The following TTC27 variants were observed in gnomAD, a reference collection of about 807,000 sequenced individuals.
The protein encoded by TTC27 is tetratricopeptide repeat domain 27.
In TTC27, 79 loss-of-function variants were observed where a neutral mutation model predicts 115.9. The ratio of observed to expected loss-of-function variants is 0.68; its 90% CI spans 0.57 to 0.82. TTC27 has a LOEUF of 0.82. TTC27 is among the 40% of genes least tolerant of loss of function. TTC27 has a pLI of 0.00. For synonymous variants in TTC27, 401 were observed against 356.0 expected, an observed-to-expected ratio of 1.13 and a Z score of -1.42; for missense variants, 1,054 against 993.1, an observed-to-expected ratio of 1.06 and a Z score of -0.82.
In TTC27 at chr2:32,753,038, T is replaced by G. The variant is rs1359007071; in HGVS notation, c.1453-5254T>G. ...ATTTAGGAAGGGTTTGACTGAGCAG[T>G]GGTCTGGCATTACTCACGTAGTTGC... On this transcript the variant is annotated intron_variant, in intron 12 of 19. Coordinates refer to ENST00000317907, the MANE Select transcript of TTC27 (RefSeq NM_017735.5). Among the ~76,000 whole-genome samples the G allele has an allele frequency of 2.6e-5, 4 of 152,276 alleles. No individual in the cohort carries two copies. In the South Asian group the frequency reaches 8.3e-4, roughly 32 times the overall value.
intron 13 of TTC27, among the ~76,000 whole-genome samples, chr2:32,763,930 G>A (rs1260075417): frequency 6.6e-6 from 1 of 152,074 alleles, no homozygotes; most frequent in East Asian, 1.9e-4. Context: ...CCAGGCAGAG[G>A]CTAGAATTAA....
rs1381327658 is a variant in TTC27, at chr2:32,664,322, G to T, written c.660G>T (p.Leu220=). The T allele has an allele frequency of 6.2e-7, 1 of 1,603,642 alleles. No individual in the cohort carries two copies. The highest frequency in any genetic ancestry group is 2.2e-5 in the East Asian group (1 of 44,576). Residue 220 remains leucine (L), a synonymous_variant, in exon 6 of 20, where the codon CTG becomes CTT. Transcript: ENST00000317907. The part of the protein sequence containing the change: ...CIDQVMKLQN[L]FVDDSGRYLA... ...TTGCAGTGATGAAACTACAGAATCT[G>T]TTTGTAGATGATTCAGGTCGATATT...
intron 8 of TTC27, among the ~76,000 whole-genome samples, chr2:32,674,518 A>G (rs972088139): frequency 3.3e-5 from 5 of 152,124 alleles, no homozygotes; most frequent in Non-Finnish European, 7.4e-5. Flanking sequence ...TTTACTTCAT[A>G]TATGCAATAG....
rs541469463 is a variant in TTC27, at chr2:32,820,233, G to C, written c.2410-583G>C. The stretch of plus-strand genomic sequence containing the variant: ...TTGGGGGCCTATGTTGGCTCAGCAG[G>C]CAGTTCCTGGAGAGGCATTTCCAAA... On this transcript the variant is annotated intron_variant, in intron 19 of 19. Transcript: ENST00000317907. Among the ~76,000 whole-genome samples the C allele has an allele frequency of 1.8e-3, 275 of 152,308 alleles. 1 individual carries two copies. The highest frequency in any genetic ancestry group is 6.4e-3 in the African/African-American group (266 of 41,574).
At chr2:32,665,683 A>G (rs1285997434) in intron 6 of TTC27, among the ~76,000 whole-genome samples, 6 of 152,146 alleles carry the variant, frequency 3.9e-5, no homozygotes, top group Admixed American at 2.0e-4. Flanking sequence ...TCATGAGGTC[A>G]GGAGATCGAG....
intron 9 of TTC27, among the ~76,000 whole-genome samples, chr2:32,682,389 A>C (rs1165609110): frequency 6.6e-6 from 1 of 152,200 alleles, no homozygotes; most frequent in African/African-American, 2.4e-5. Context: ...AAAGTACTCC[A>C]GAGTAGGTGG....
chr2:32,710,036 TAGG>T (rs1667521535), intron 10 of TTC27, among the ~76,000 whole-genome samples: 1 of 152,170 alleles, frequency 6.6e-6, no homozygotes, highest in South Asian at 2.1e-4. Context: ...GTATTTGAGA[TAGG>T]AGGTCTCGCT....
intron 10 of TTC27, among the ~76,000 whole-genome samples, chr2:32,728,292 C>T (rs553585850): frequency 3.2e-4 from 49 of 152,238 alleles, no homozygotes; most frequent in African/African-American, 9.9e-4. Flanking sequence ...CCGCCGGCCT[C>T]GGCCTCCCAA....
At position 32,812,986 on chromosome 2, in the gene TTC27, C is replaced by G. The variant is rs73924066; in HGVS notation, c.2308+371C>G. 1.5e-3 allele frequency among the ~76,000 whole-genome samples: 221 copies of G among 152,144 alleles called. 1 individual carries two copies. The highest frequency in any genetic ancestry group is 5.0e-3 in the African/African-American group (209 of 41,506). On this transcript the variant is annotated intron_variant, in intron 18 of 19. Coordinates refer to ENST00000317907, the MANE Select transcript of TTC27 (RefSeq NM_017735.5). ...TTTAACTTGACTCACACATAGATCTCTGGGGTACATAGCAGTATGCAGAGC... is the reference window on the plus strand; with the variant it reads ...TTTAACTTGACTCACACATAGATCTGTGGGGTACATAGCAGTATGCAGAGC...
intron 12 of TTC27, among the ~76,000 whole-genome samples, chr2:32,749,768 A>G (rs78912620): frequency 0.041 from 6,266 of 152,278 alleles, 173 homozygotes; most frequent in South Asian, 0.095. Flanking sequence ...TCTTTCTCTC[A>G]AAAATGGGCA....
chr2:32,785,952 C>G (rs1230737949), intron 15 of TTC27, among the ~76,000 whole-genome samples: 1 of 152,042 alleles, frequency 6.6e-6, no homozygotes, highest in Non-Finnish European at 1.5e-5. Context: ...ATTCACATCT[C>G]CTTGTTCTTA....
intron 8 of TTC27, among the ~76,000 whole-genome samples, chr2:32,675,284 T>A (rs1666158638): frequency 6.6e-6 from 1 of 152,230 alleles, no homozygotes; most frequent in South Asian, 2.1e-4. Flanking sequence ...GAAAATGTTA[T>A]TTTGGCAAGT....
chr2:32,647,426 G>A (rs1197942654), intron 4 of TTC27, among the ~76,000 whole-genome samples: 20 of 152,074 alleles, frequency 1.3e-4, no homozygotes, highest in Non-Finnish European at 2.4e-4. Flanking sequence ...TGAAAATGAC[G>A]CAACACCTCA....
intron 10 of TTC27, among the ~76,000 whole-genome samples, chr2:32,721,763 A>G (rs1402100165): frequency 6.6e-6 from 1 of 152,002 alleles, no homozygotes; most frequent in African/African-American, 2.4e-5. Context: ...TTGCCTCCCA[A>G]GTAGTTGGGA....
At chr2:32,668,192 A>C (rs189921252) in intron 7 of TTC27, among the ~76,000 whole-genome samples, 38 of 151,872 alleles carry the variant, frequency 2.5e-4, no homozygotes, top group African/African-American at 8.4e-4. Context: ...CTCCGTCTCA[A>C]AAAAAAGAAA....
At chr2:32,738,640 A>G (rs921016949) in intron 12 of TTC27, among the ~76,000 whole-genome samples, 2 of 152,234 alleles carry the variant, frequency 1.3e-5, no homozygotes, top group African/African-American at 4.8e-5. Flanking sequence ...CATTTAAAAT[A>G]TCTTCAAAAG....
chr2:32,715,190 G>A (rs1311670317), intron 10 of TTC27, among the ~76,000 whole-genome samples: 1 of 152,072 alleles, frequency 6.6e-6, no homozygotes, highest in African/African-American at 2.4e-5. Flanking sequence ...ATCTTCCAGG[G>A]ATTTTATAGT....
chr2:32,690,898 C>T (rs553847799), intron 9 of TTC27, among the ~76,000 whole-genome samples: 1 of 152,250 alleles, frequency 6.6e-6, no homozygotes, highest in African/African-American at 2.4e-5. Flanking sequence ...TTGTTCCTTG[C>T]TTTGGAAGAT....
rs149523353 is a variant in TTC27 at position 32,737,744 on chromosome 2, T to C, written c.1452+928T>C. Among the ~76,000 whole-genome samples, 117 of 152,236 alleles carry C rather than the reference T, an allele frequency of 7.7e-4. No individual in the cohort carries two copies. In the Middle Eastern group the frequency reaches 0.014, roughly 18 times the overall value. ...TCGACTGGGCATGGTGGTTCACACT[T>C]GTAATCCTAACACCTCGAGAAGCTG... On this transcript the variant is annotated intron_variant, in intron 12 of 19. Coordinates refer to ENST00000317907, the MANE Select transcript of TTC27 (RefSeq NM_017735.5).
Sources: gnomAD v4.1 joint callset for allele counts (sites outside exome capture counted in the v4.1 genomes callset) on GRCh38, gnomAD v4.1.1 for gene constraint, MANE v1.5 for transcripts, NCBI Gene and HGNC (gene_info 2026-07-23, HGNC 2026-07-21) for gene names.